Variants in SLC17A6 observed in about 807,000 individuals in gnomAD.
SLC17A6 encodes vesicular glutamate transporter 2.
In SLC17A6, 35 loss-of-function variants were observed where a neutral mutation model predicts 67.1. The ratio of observed to expected loss-of-function variants is 0.52; its 90% confidence interval spans 0.40 to 0.69. The LOEUF (loss-of-function observed/expected upper bound fraction) is 0.69, where lower values mean the gene tolerates loss of function less well. SLC17A6 is among the 30% of genes least tolerant of loss of function. The pLI, the probability that SLC17A6 is intolerant of heterozygous loss-of-function variation, is 0.00. For missense variants in SLC17A6, 588 were observed against 723.9 expected (o/e 0.81, Z 2.15); for synonymous variants, 285 against 252.3 (o/e 1.13, Z -1.23).
rs748050176 is a variant in SLC17A6, at chr11:22,341,562, A to G, written c.121A>G (p.Ile41Val). The change falls in exon 2 of 12, where the codon ATC (isoleucine) becomes GTC (valine). Residue 41 changes from isoleucine to valine, a missense_variant. Coordinates refer to ENST00000263160, the MANE Select transcript of SLC17A6 (RefSeq NM_020346.3). ...LEKKQDTGET[I>V]ELTEDGKPLE... ...GAAGAAGCAAGACACCGGGGAGACA[A>G]TCGAGCTGACGGAGGATGGGAAGCC... 2 of 1,613,968 alleles carry G rather than the reference A, an allele frequency of 1.2e-6. No individual in the cohort carries two copies. Among genetic ancestry groups the G allele is most frequent in the Admixed American group, 3.3e-5 (2 of 60,026 alleles).
rs763811345 is a variant in SLC17A6 at position 22,360,941 on chromosome 11, C to A, written c.618C>A (p.Ala206=). Residue 206 remains alanine (A), a synonymous_variant, in exon 5 of 12, where the codon GCC becomes GCA. Coordinates refer to ENST00000263160, the MANE Select transcript of SLC17A6 (RefSeq NM_020346.3). ...PACHGIWSKW[A]PPLERSRLAT... is the part of the protein sequence containing the mutation. ...GTCATGGGATATGGAGCAAATGGGC[C>A]CCACCTCTAGAGAGGAGTAGACTGG... 2.5e-6 allele frequency: 4 copies of A among 1,613,964 alleles called. No homozygotes were observed. The South Asian group carries it at 4.4e-5, about 18-fold the overall frequency.
intron 6 of SLC17A6, among the ~76,000 whole-genome samples, chr11:22,363,265 C>A (rs1419468202): frequency 6.6e-6 from 1 of 152,052 alleles, no homozygotes; most frequent in East Asian, 1.9e-4. Flanking sequence ...GGTGGTGGTG[C>A]TAAAGTGACT....
rs1564976517 is a variant in SLC17A6 at position 22,339,157 on chromosome 11, A to ATATATGTTTTT, written c.86+543_86+544insGTTTTTTATAT. ...ATATATATATGTTATATATAGTTATATATATATGTTATATATATATGTTTT... is the reference window on the plus strand; with the variant it reads ...ATATATATATGTTATATATAGTTATATATATGTTTTTTATATATGTTATATATATATGTTTT... On this transcript the variant is annotated intron_variant, in intron 1 of 11. Transcript: ENST00000263160. Among the ~76,000 whole-genome samples, 210 of 32,978 alleles carry ATATATGTTTTT rather than the reference A, an allele frequency of 6.4e-3. 29 individuals carry two copies. The highest frequency in any genetic ancestry group is 0.03 in the African/African-American group (194 of 6,408). The allele number at this position is 32,978 out of a possible 152,430, so 21.6% of individuals were successfully genotyped here.
At chr11:22,362,645 C>G in intron 5 of SLC17A6, 94 bp from the exon 6 acceptor site, 1 of 1,016,796 alleles carries the variant, frequency 9.8e-7, no homozygotes, top group Non-Finnish European at 1.5e-6. Context: ...CTGAGTGTTC[C>G]AGCGTCTGTG....
chr11:22,362,236 A>G, intron 5 of SLC17A6: 3 of 475,558 alleles, frequency 6.3e-6, no homozygotes, highest in South Asian at 3.6e-5. Flanking sequence ...TCTTCTGGCC[A>G]TGCTTTGAGA....
chr11:22,348,941 T>C (rs1167700706), intron 3 of SLC17A6, among the ~76,000 whole-genome samples: 1 of 152,186 alleles, frequency 6.6e-6, no homozygotes, highest in African/African-American at 2.4e-5. Context: ...TGTTCTGTCT[T>C]TTTTCTTCAG....
chr11:22,360,993 T>C lies in SLC17A6; in HGVS notation c.661+9T>C, dbSNP rs374139522. 5 of 1,607,724 alleles carry C rather than the reference T, an allele frequency of 3.1e-6. No homozygotes were observed. In the African/African-American group the frequency reaches 5.3e-5, roughly 17 times the overall value. ...AACCACCTCCTTTTGTGGTGAGTAC[T>C]GTGTGCAGATGCAGCTATGGTGGCT... is the stretch of plus-strand genomic sequence containing the variant. On this transcript the variant is annotated intron_variant, in intron 5 of 11. Transcript: ENST00000263160.
At chr11:22,359,365 A>G in intron 3 of SLC17A6, 48 bp from the exon 4 acceptor site, 1 of 1,198,184 alleles carries the variant, frequency 8.3e-7, no homozygotes, top group Non-Finnish European at 1.2e-6. Flanking sequence ...ATATGTATAT[A>G]TAAGATGCTG....
At chr11:22,362,222 G>T in intron 5 of SLC17A6, 1 of 471,128 alleles carries the variant, frequency 2.1e-6, no homozygotes, top group South Asian at 1.8e-5. Context: ...TTACCTTGAT[G>T]ACATCTTCTG....
intron 6 of SLC17A6, 44 bp downstream of exon 6, chr11:22,362,869 A>G (rs1226169223): frequency 1.4e-6 from 2 of 1,460,806 alleles, no homozygotes; most frequent in South Asian, 2.3e-5. Context: ...AAATGTGCAT[A>G]GGCTAAAAGA....
intron 11 of SLC17A6, 37 bp from the exon 12 acceptor site, chr11:22,377,368 G>C (rs1393979579): frequency 2.6e-6 from 4 of 1,532,508 alleles, no homozygotes; most frequent in Admixed American, 1.9e-5. Flanking sequence ...AAATCATGGG[G>C]AGTCAGTTCT....
Position 22,345,300 on chromosome 11 carries a change from G to T in SLC17A6, c.458+1935G>T, listed in dbSNP as rs776362825. ...GACTCAGGTTCTAATTTATCTGGTAGATTTTACTCAAAAGATTTTTTTTTT... is the reference window on the plus strand; with the variant it reads ...GACTCAGGTTCTAATTTATCTGGTATATTTTACTCAAAAGATTTTTTTTTT... On this transcript the variant is annotated intron_variant, in intron 3 of 11. Coordinates refer to ENST00000263160, the MANE Select transcript of SLC17A6 (RefSeq NM_020346.3). 1.3e-4 allele frequency among the ~76,000 whole-genome samples: 20 copies of T among 149,808 alleles called. 1 individual carries two copies. Among genetic ancestry groups the T allele is most frequent in the Admixed American group, 4.0e-4 (6 of 14,970 alleles).
chr11:22,354,778 G>A (rs904581482), intron 3 of SLC17A6, among the ~76,000 whole-genome samples: 1 of 152,058 alleles, frequency 6.6e-6, no homozygotes, highest in South Asian at 2.1e-4. Flanking sequence ...TTACTCACTC[G>A]GACATGGTTA....
intron 8 of SLC17A6, 143 bp from the exon 9 acceptor site, chr11:22,374,612 A>G (rs996883341): frequency 3.1e-6 from 2 of 644,720 alleles, no homozygotes; most frequent in Non-Finnish European, 4.9e-6. Flanking sequence ...TTTTTCTAGG[A>G]ATGAGTAAGT....
At chr11:22,364,069 T>G (rs1856081574) in intron 6 of SLC17A6, among the ~76,000 whole-genome samples, 1 of 152,160 alleles carries the variant, frequency 6.6e-6, no homozygotes, top group Admixed American at 6.5e-5. Flanking sequence ...CATTGAATGA[T>G]ACAAAAAGTA....
chr11:22,375,577 T>A (rs1410940020), intron 9 of SLC17A6, among the ~76,000 whole-genome samples: 1 of 151,332 alleles, frequency 6.6e-6, no homozygotes, highest in Non-Finnish European at 1.5e-5. Context: ...GCCTCCCGGG[T>A]TCAAGCGATT....
At chr11:22,348,709 T>C (rs1226318215) in intron 3 of SLC17A6, among the ~76,000 whole-genome samples, 1 of 152,182 alleles carries the variant, frequency 6.6e-6, no homozygotes, top group Non-Finnish European at 1.5e-5. Flanking sequence ...AAATAGAAAG[T>C]AATTTATACT....
At chr11:22,367,542 C>T (rs1181830236) in intron 7 of SLC17A6, among the ~76,000 whole-genome samples, 3 of 151,886 alleles carry the variant, frequency 2.0e-5, no homozygotes, top group Non-Finnish European at 4.4e-5. Flanking sequence ...TGCTAGTATG[C>T]ACTGGTGCCC....
intron 1 of SLC17A6, among the ~76,000 whole-genome samples, chr11:22,340,172 A>T (rs1445521597): frequency 6.6e-6 from 1 of 152,228 alleles, no homozygotes; most frequent in African/African-American, 2.4e-5. Context: ...GTGTGTGTGA[A>T]AACAATTGGG....
Sources: gnomAD v4.1 joint callset for allele counts (sites outside exome capture counted in the v4.1 genomes callset) on GRCh38, gnomAD v4.1.1 for gene constraint, MANE v1.5 for transcripts, NCBI Gene and HGNC (gene_info 2026-07-23, HGNC 2026-07-21) for gene names.